Variants in COL13A1 observed in about 807,000 individuals in gnomAD.
COL13A1 encodes collagen type XIII alpha 1 chain.
Under a neutral mutation model 130.9 loss-of-function variants are expected in COL13A1, and 89 were observed. That is an observed-to-expected ratio of 0.68 (90% CI 0.57 to 0.81). COL13A1 has a LOEUF of 0.81. Ranked by LOEUF, COL13A1 falls within the 30% of genes least tolerant of loss-of-function variation. The pLI, the probability that COL13A1 is intolerant of heterozygous loss-of-function variation, is 0.00. For synonymous variants in COL13A1, 402 were observed against 341.6 expected, an observed-to-expected ratio of 1.18 and a Z score of -1.95; for missense variants, 879 against 934.6, an observed-to-expected ratio of 0.94 and a Z score of 0.78.
chr10:69,929,971 A>G, intron 28 of COL13A1, 72 bp from the exon 29 acceptor site: 1 of 1,296,292 alleles, frequency 7.7e-7, no homozygotes, highest in Non-Finnish European at 1.1e-6. Flanking sequence ...TGCCGGGTGC[A>G]CTAAGCAATG....
chr10:69,932,427 C>T (rs1270730597), intron 30 of COL13A1, 133 bp from the exon 31 acceptor site: 3 of 641,066 alleles, frequency 4.7e-6, no homozygotes, highest in Non-Finnish European at 5.8e-6. Flanking sequence ...GACACCTCCA[C>T]ATCCTCCATG....
chr10:69,918,247 A>T (rs2064174930), intron 18 of COL13A1, 38 bp from the exon 19 acceptor site: 1 of 1,606,634 alleles, frequency 6.2e-7, no homozygotes, highest in African/African-American at 1.3e-5. Flanking sequence ...CCCTCGCTGC[A>T]GAATGTCTTC....
chr10:69,921,809 G>A (rs2064714449), intron 21 of COL13A1, 73 bp from the exon 22 acceptor site: 3 of 1,549,274 alleles, frequency 1.9e-6, no homozygotes, highest in South Asian at 1.2e-5. Context: ...GCCCTAAGCT[G>A]TGGAGCTGGT....
chr10:69,948,052 C>G (rs2068809753), intron 38 of COL13A1, among the ~76,000 whole-genome samples: 1 of 152,246 alleles, frequency 6.6e-6, no homozygotes, highest in South Asian at 2.1e-4. Context: ...TCTGGAGGGT[C>G]TCATCTGCTG....
At chr10:69,818,662 A>C (rs1486295943) in intron 1 of COL13A1, among the ~76,000 whole-genome samples, 1 of 152,242 alleles carries the variant, frequency 6.6e-6, no homozygotes, top group Non-Finnish European at 1.5e-5. Flanking sequence ...TGTAAATTCC[A>C]GTCCAAGCCT....
chr10:69,866,972 T>C (rs1253213494), intron 2 of COL13A1, among the ~76,000 whole-genome samples: 1 of 152,126 alleles, frequency 6.6e-6, no homozygotes, highest in Non-Finnish European at 1.5e-5. Context: ...TGGCTCATGT[T>C]CCGCAGAAGC....
intron 3 of COL13A1, 59 bp downstream of exon 3, chr10:69,867,864 C>T (rs531723297): frequency 1.7e-5 from 12 of 717,608 alleles, no homozygotes; most frequent in South Asian, 5.9e-5. Flanking sequence ...CTGCTGGTAA[C>T]GGGGTTCTGG....
chr10:69,925,991 A>G, intron 26 of COL13A1, 119 bp downstream of exon 26: 1 of 801,516 alleles, frequency 1.2e-6, no homozygotes. Context: ...GCCCTCAGGC[A>G]GCGCTTCCAG....
At chr10:69,811,213 C>T (rs1020508176) in intron 1 of COL13A1, among the ~76,000 whole-genome samples, 1 of 152,168 alleles carries the variant, frequency 6.6e-6, no homozygotes, top group East Asian at 1.9e-4. Flanking sequence ...CTGCCCACCA[C>T]CCCCTCCCTT....
Position 69,930,719 on chromosome 10 carries a change from C to G in COL13A1, c.1683+167C>G, listed in dbSNP as rs2683571. ...ACTCAGCTTCCCCTCAAGTCACTCA[C>G]TTTATGAAGGCCAGTTTCCCGACTC... is the stretch of plus-strand genomic sequence containing the variant. On this transcript the variant is annotated intron_variant, in intron 30 of 40. Coordinates refer to ENST00000645393, the MANE Select transcript of COL13A1 (RefSeq NM_001368882.1). Among the ~76,000 whole-genome samples, 98,436 of 152,094 alleles carry G rather than the reference C, an allele frequency of 0.65. 31,949 individuals carry two copies. The highest frequency in any genetic ancestry group is 0.67 in the African/African-American group (27,804 of 41,486).
At chr10:69,871,970 C>G (rs2059114100) in intron 3 of COL13A1, among the ~76,000 whole-genome samples, 1 of 152,182 alleles carries the variant, frequency 6.6e-6, no homozygotes, top group Non-Finnish European at 1.5e-5. Context: ...GTGGCAGAGC[C>G]AAGAGGTGAA....
chr10:69,893,032 T>C (rs915050227), intron 10 of COL13A1, among the ~76,000 whole-genome samples: 1 of 152,138 alleles, frequency 6.6e-6, no homozygotes, highest in Admixed American at 6.5e-5. Context: ...GCCGGATGAA[T>C]CATGTGCTGC....
chr10:69,802,360 T>C lies in COL13A1; in HGVS notation c.-64T>C. 8.7e-6 allele frequency: 12 copies of C among 1,386,226 alleles called. No homozygotes were observed. The highest frequency in any genetic ancestry group is 1.7e-5 in the South Asian group (1 of 60,576). 85.9% of individuals were successfully genotyped at this position (1,386,226 alleles called of 1,614,324 possible). On this transcript the variant is annotated 5_prime_UTR_variant, in exon 1 of 41. Coordinates refer to ENST00000645393, the MANE Select transcript of COL13A1 (RefSeq NM_001368882.1). ...GCCCCGCAGTTTGGATAGAGCCTTT[T>C]GGCAGCGGCTGTCGCCTTTATTTAT...
intron 16 of COL13A1, among the ~76,000 whole-genome samples, chr10:69,905,425 C>G (rs1056304794): frequency 1.8e-4 from 27 of 152,124 alleles, no homozygotes; most frequent in Non-Finnish European, 1.2e-4. Flanking sequence ...AAGAAGATGC[C>G]CAGTGCTGAT....
chr10:69,954,171 CAA>C (rs2070180507), intron 39 of COL13A1: 1 of 152,660 alleles, frequency 6.6e-6, no homozygotes, highest in Non-Finnish European at 1.5e-5. Flanking sequence ...CTGTAAATGC[CAA>C]GGGTCACCCC....
At chr10:69,814,664 C>T (rs887211635) in intron 1 of COL13A1, among the ~76,000 whole-genome samples, 2 of 152,182 alleles carry the variant, frequency 1.3e-5, no homozygotes, top group Non-Finnish European at 2.9e-5. Context: ...ATAGATTTTG[C>T]TTAATACACA....
At chr10:69,928,646 A>C (rs1377635878) in intron 27 of COL13A1, among the ~76,000 whole-genome samples, 1 of 152,162 alleles carries the variant, frequency 6.6e-6, no homozygotes, top group African/African-American at 2.4e-5. Flanking sequence ...GGTCAGACTT[A>C]GCTTCTTGGA....
chr10:69,901,291 A>G (rs1589399225), intron 14 of COL13A1, among the ~76,000 whole-genome samples: 1 of 152,206 alleles, frequency 6.6e-6, no homozygotes, highest in East Asian at 1.9e-4. Flanking sequence ...GTGTGGCAGG[A>G]TAGGACCCAG....
intron 4 of COL13A1, among the ~76,000 whole-genome samples, chr10:69,874,273 C>G (rs573759336): frequency 6.6e-6 from 1 of 152,314 alleles, no homozygotes; most frequent in African/African-American, 2.4e-5. Flanking sequence ...CAGAGTCACC[C>G]GAGAAATGCC....
Sources: gnomAD v4.1 joint callset for allele counts (sites outside exome capture counted in the v4.1 genomes callset) on GRCh38, gnomAD v4.1.1 for gene constraint, MANE v1.5 for transcripts, NCBI Gene and HGNC (gene_info 2026-07-23, HGNC 2026-07-21) for gene names.